MECOM: variants seen among roughly 807,000 people sequenced by gnomAD.
MECOM encodes the protein histone-lysine N-methyltransferase MECOM.
A neutral mutation model predicts 116.3 loss-of-function variants in MECOM; 13 were observed. The observed-to-expected ratio is 0.11, with a 90% CI of 0.07 to 0.18. The LOEUF is 0.18. Ranked by LOEUF, MECOM falls within the 10% of genes least tolerant of loss-of-function variation. The probability of loss-of-function intolerance (pLI) is 1.00; values close to 1 mark genes in which losing one functional copy is unlikely to be tolerated. For synonymous variants in MECOM, 528 were observed against 535.2 expected (o/e 0.99, Z 0.19); for missense variants, 1,299 against 1,509.0 (o/e 0.86, Z 2.31).
At chr3:169,218,403 A>G (rs1425560440) in intron 2 of MECOM, among the ~76,000 whole-genome samples, 1 of 152,192 alleles carries the variant, frequency 6.6e-6, no homozygotes, top group African/African-American at 2.4e-5. Flanking sequence ...AATGTAATGG[A>G]AAGTTACTTC....
intron 1 of MECOM, among the ~76,000 whole-genome samples, chr3:169,551,367 A>G (rs1761382660): frequency 6.6e-6 from 1 of 151,300 alleles, no homozygotes; most frequent in Admixed American, 6.6e-5. Flanking sequence ...ACAAATATCT[A>G]CACTTTAAAA....
intron 1 of MECOM, among the ~76,000 whole-genome samples, chr3:169,659,088 A>AAAAAAAAAAAAAAAAGAAAAG (rs1553909425): frequency 2.0e-5 from 3 of 150,958 alleles, no homozygotes; most frequent in African/African-American, 7.4e-5. Context: ...AAAAAAAAAA[A>AAAAAAAAAAAAAAAAGAAAAG]AAAGAAAGAG....
chr3:169,401,887 T>G (rs900920528), intron 1 of MECOM, among the ~76,000 whole-genome samples: 3 of 152,168 alleles, frequency 2.0e-5, no homozygotes, highest in African/African-American at 7.2e-5. Context: ...AATCAAAGGA[T>G]TCATGCCATA....
rs78051980 is a variant in MECOM, at chr3:169,211,984, T to A, written c.376-68152A>T. Among the ~76,000 whole-genome samples the A allele has an allele frequency of 4.6e-4, 70 of 152,272 alleles. 1 individual carries two copies. The East Asian group carries it at 0.013, about 27-fold the overall frequency. The stretch of plus-strand genomic sequence containing the variant: ...CAAAATGGCTCCACCTGCCATCTGT[T>A]TTCCCATGCCAAACATCTGAGTGTT... On this transcript the variant is annotated intron_variant, in intron 2 of 16. Coordinates refer to ENST00000651503, the MANE Select transcript of MECOM (RefSeq NM_004991.4).
chr3:169,449,694 C>T (rs1006546593), intron 1 of MECOM, among the ~76,000 whole-genome samples: 1 of 152,088 alleles, frequency 6.6e-6, no homozygotes, highest in Non-Finnish European at 1.5e-5. Context: ...TGTTGAATAT[C>T]CCATTATCCA....
At chr3:169,433,645 G>GAAAGAAAGAAAGAAAGAAAGAAAGAA (rs1742067365) in intron 1 of MECOM, among the ~76,000 whole-genome samples, 3 of 111,924 alleles carry the variant, frequency 2.7e-5, no homozygotes, top group African/African-American at 1.1e-4. Context: ...GAAAGAGAAA[G>GAAAGAAAGAAAGAAAGAAAGAAAGAA]AAAGAAAGAA....
intron 2 of MECOM, among the ~76,000 whole-genome samples, chr3:169,318,071 T>A (rs1250962975): frequency 6.6e-6 from 1 of 152,146 alleles, no homozygotes; most frequent in Non-Finnish European, 1.5e-5. Context: ...GCAAGCCACA[T>A]GTAGAAAACA....
chr3:169,204,695 A>G (rs1309310003), intron 2 of MECOM, among the ~76,000 whole-genome samples: 1 of 152,168 alleles, frequency 6.6e-6, no homozygotes, highest in Non-Finnish European at 1.5e-5. Flanking sequence ...TACACAAGAA[A>G]TTTACAATGG....
At chr3:169,603,907 T>C (rs1768152041) in intron 1 of MECOM, among the ~76,000 whole-genome samples, 1 of 152,194 alleles carries the variant, frequency 6.6e-6, no homozygotes, top group Non-Finnish European at 1.5e-5. Flanking sequence ...AAATGTCATT[T>C]TTACTAGATT....
At chr3:169,432,740 C>T (rs1741843751) in intron 1 of MECOM, among the ~76,000 whole-genome samples, 1 of 152,166 alleles carries the variant, frequency 6.6e-6, no homozygotes, top group African/African-American at 2.4e-5. Context: ...ATATCAAAGA[C>T]TACAAACAGT....
chr3:169,654,075 A>T (rs1396306791), intron 1 of MECOM, among the ~76,000 whole-genome samples: 3 of 152,230 alleles, frequency 2.0e-5, no homozygotes, highest in African/African-American at 7.2e-5. Context: ...GAATTGCATT[A>T]TCCGATGATA....
chr3:169,378,461 GCAAGCA>G (rs1731596741), intron 2 of MECOM, among the ~76,000 whole-genome samples: 3 of 47,680 alleles, frequency 6.3e-5, no homozygotes, highest in East Asian at 5.0e-4. Context: ...AGGAAAGCAA[GCAAGCA>G]AGCAAGCAAG....
chr3:169,262,092 G>A (rs1376499905), intron 2 of MECOM, among the ~76,000 whole-genome samples: 2 of 152,168 alleles, frequency 1.3e-5, no homozygotes. Flanking sequence ...ATGGACACGA[G>A]CCAAGAAAAA....
At chr3:169,499,303 G>C (rs1754224839) in intron 1 of MECOM, among the ~76,000 whole-genome samples, 1 of 95,212 alleles carries the variant, frequency 1.1e-5, no homozygotes, top group African/African-American at 4.2e-5. Flanking sequence ...CCAGGATACA[G>C]AGAAAAATCT....
chr3:169,518,788 G>A (rs757213978), intron 1 of MECOM, among the ~76,000 whole-genome samples: 2 of 152,108 alleles, frequency 1.3e-5, no homozygotes, highest in Non-Finnish European at 2.9e-5. Flanking sequence ...GGTCTTTTCT[G>A]CGCTGTTCTC....
intron 1 of MECOM, among the ~76,000 whole-genome samples, chr3:169,549,410 A>C (rs1761106619): frequency 6.6e-6 from 1 of 152,216 alleles, no homozygotes; most frequent in African/African-American, 2.4e-5. Flanking sequence ...TAAAGAAAAA[A>C]AAAAAAAAGC....
At chr3:169,464,451 G>A (rs1578172263) in intron 1 of MECOM, among the ~76,000 whole-genome samples, 2 of 152,092 alleles carry the variant, frequency 1.3e-5, no homozygotes, top group East Asian at 3.9e-4. Context: ...AGGATGTCTC[G>A]CCGTGTAGAT....
At chr3:169,147,606 T>G (rs906606924) in intron 2 of MECOM, 3 of 985,276 alleles carry the variant, frequency 3.0e-6, no homozygotes, top group Admixed American at 6.1e-5. Flanking sequence ...CCATCCCCCT[T>G]AAACATGTAG....
intron 2 of MECOM, among the ~76,000 whole-genome samples, chr3:169,238,567 C>A (rs139888627): frequency 6.6e-6 from 1 of 152,178 alleles, no homozygotes; most frequent in African/African-American, 2.4e-5. Flanking sequence ...AAAAACCCCA[C>A]GAACAAACCA....
Sources: allele counts gnomAD v4.1 joint callset (sites outside exome capture counted in the v4.1 genomes callset), GRCh38; gene constraint gnomAD v4.1.1; transcripts MANE v1.5; gene names NCBI Gene and HGNC (gene_info 2026-07-23, HGNC 2026-07-21).